Variants in TCF4 observed in about 807,000 individuals in gnomAD.
The protein encoded by TCF4 is transcription factor 4, also known as SL3-3 enhancer factor 2.
TCF4 carries 3 observed loss-of-function variants against 82.1 expected under a neutral mutation model. The observed-to-expected ratio is 0.04, with a 90% CI of 0.02 to 0.09. The LOEUF (loss-of-function observed/expected upper bound fraction) is 0.09. Ranked by LOEUF, TCF4 falls within the 10% of genes least tolerant of loss-of-function variation. TCF4 has a pLI of 1.00. For synonymous variants in TCF4, 276 were observed against 309.6 expected (o/e 0.89, Z 1.14); for missense variants, 518 against 852.7 (o/e 0.61, Z 4.89).
intron 6 of TCF4, among the ~76,000 whole-genome samples, chr18:55,359,707 T>C (rs2084585466): frequency 6.6e-6 from 1 of 152,220 alleles, no homozygotes. Context: ...TTTAAGAACA[T>C]CACCTCATGA....
intron 3 of TCF4, among the ~76,000 whole-genome samples, chr18:55,524,547 AATCAATATTGATTAAGTT>A (rs879853711): frequency 3.3e-5 from 5 of 152,180 alleles, no homozygotes; most frequent in Non-Finnish European, 7.4e-5. Context: ...TTGATTAAGT[AATCAATATTGATTAAGTT>A]ATTGATTAAG....
chr18:55,400,834 C>T, intron 6 of TCF4: 2 of 563,662 alleles, frequency 3.5e-6, no homozygotes. Flanking sequence ...AAGCATGTTT[C>T]CATATAGCAC....
intron 5 of TCF4, among the ~76,000 whole-genome samples, chr18:55,412,452 C>T (rs895374164): frequency 4.6e-5 from 7 of 151,766 alleles, no homozygotes; most frequent in African/African-American, 1.7e-4. Flanking sequence ...GTTAAGGTTG[C>T]TCCTCATTGA....
intron 6 of TCF4, among the ~76,000 whole-genome samples, chr18:55,357,553 CTATAAA>C (rs914603446): frequency 6.6e-6 from 1 of 152,106 alleles, no homozygotes; most frequent in Admixed American, 6.6e-5. Flanking sequence ...AACACTTTTG[CTATAAA>C]TATAAACAAG....
At chr18:55,258,272 T>C (rs1289204895) in intron 13 of TCF4, among the ~76,000 whole-genome samples, 1 of 152,150 alleles carries the variant, frequency 6.6e-6, no homozygotes, top group Non-Finnish European at 1.5e-5. Context: ...GGTGTGAAAA[T>C]AGCAATCTGT....
At chr18:55,568,489 T>C (rs1481657031) in intron 3 of TCF4, among the ~76,000 whole-genome samples, 5 of 151,948 alleles carry the variant, frequency 3.3e-5, no homozygotes, top group Non-Finnish European at 7.4e-5. Context: ...ATATTACATA[T>C]ATATGTATAC....
chr18:55,304,854 A>G (rs1024176642), intron 8 of TCF4, among the ~76,000 whole-genome samples: 1 of 152,200 alleles, frequency 6.6e-6, no homozygotes, highest in Admixed American at 6.5e-5. Flanking sequence ...TGAAAGCCTG[A>G]ACCGCCTTTC....
chr18:55,623,042 A>C (rs1603625617), intron 2 of TCF4, among the ~76,000 whole-genome samples: 1 of 152,258 alleles, frequency 6.6e-6, no homozygotes, highest in East Asian at 1.9e-4. Flanking sequence ...ATAGCTAATA[A>C]AATTGTGAAT....
chr18:55,556,223 T>C (rs2097302934), intron 3 of TCF4, among the ~76,000 whole-genome samples: 1 of 152,144 alleles, frequency 6.6e-6, no homozygotes, highest in Non-Finnish European at 1.5e-5. Context: ...TTTTCCAGAA[T>C]AGCATTTTTT....
intron 3 of TCF4, among the ~76,000 whole-genome samples, chr18:55,505,046 C>T (rs769818304): frequency 6.6e-6 from 1 of 152,184 alleles, no homozygotes; most frequent in African/African-American, 2.4e-5. Context: ...GTGAACAAGA[C>T]AGTTAGGATA....
Position 55,350,984 on chromosome 18 carries a change from T to A in TCF4, c.389A>T (p.Asp130Val). The change falls in exon 7 of 20, where the codon GAC (aspartate) becomes GTC (valine). Residue 130 changes from aspartate to valine, a missense_variant. This residue lies in a region of TCF4 where 211 missense variants were observed against 327.4 expected (regional missense o/e 0.64). Coordinates refer to ENST00000354452, the MANE Select transcript of TCF4 (RefSeq NM_001083962.2). ...GGTTCCTGGGTTGCCCATATCCATG[T>A]CACCTCCAAGGAGACTCTGCTAAAA... ...GCHQQSLLGG[D>V]MDMGNPGTLS... 1 of 1,613,398 alleles carries A rather than the reference T, an allele frequency of 6.2e-7. No homozygotes were observed. Among genetic ancestry groups the A allele is most frequent in the South Asian group, 1.1e-5 (1 of 91,062 alleles).
At chr18:55,229,665 C>G (rs1230783392) in intron 17 of TCF4, 3 of 156,132 alleles carry the variant, frequency 1.9e-5, no homozygotes, top group Admixed American at 1.9e-4. Flanking sequence ...GGCTTTTATT[C>G]AGGTGTCCCC....
intron 3 of TCF4, among the ~76,000 whole-genome samples, chr18:55,474,243 T>C (rs973232200): frequency 6.6e-6 from 1 of 152,208 alleles, no homozygotes; most frequent in East Asian, 1.9e-4. Flanking sequence ...CAATAGGACA[T>C]GTATTGCCTA....
chr18:55,256,908 A>G (rs560627096), intron 14 of TCF4, among the ~76,000 whole-genome samples: 12 of 152,266 alleles, frequency 7.9e-5, no homozygotes, highest in African/African-American at 2.9e-4. Context: ...ACGAGAAGGA[A>G]AGCTCCTGTA....
At chr18:55,383,265 A>C (rs2092204679) in intron 6 of TCF4, among the ~76,000 whole-genome samples, 1 of 152,256 alleles carries the variant, frequency 6.6e-6, no homozygotes. Context: ...TCAATGATGA[A>C]GGCTTGCTAA....
intron 3 of TCF4, among the ~76,000 whole-genome samples, chr18:55,582,898 C>G (rs922795551): frequency 6.6e-6 from 1 of 152,078 alleles, no homozygotes; most frequent in African/African-American, 2.4e-5. Context: ...ATTTCTCTCT[C>G]CAAAGTTTCC....
At chr18:55,392,736 G>A (rs1054544962) in intron 6 of TCF4, among the ~76,000 whole-genome samples, 19 of 152,004 alleles carry the variant, frequency 1.2e-4, no homozygotes, top group African/African-American at 4.6e-4. Flanking sequence ...TAAGGAACCT[G>A]CTTACTGTCT....
chr18:55,403,638 G>C, intron 5 of TCF4, 120 bp from the exon 6 acceptor site: 1 of 1,602,208 alleles, frequency 6.2e-7, no homozygotes, highest in African/African-American at 1.3e-5. Context: ...AGGCACTACT[G>C]GCAATGTATG....
At chr18:55,297,171 A>AT (rs2066763650) in intron 8 of TCF4, among the ~76,000 whole-genome samples, 4 of 28,136 alleles carry the variant, frequency 1.4e-4, no homozygotes, top group Admixed American at 4.1e-4. Context: ...TTTTTTTTTT[A>AT]TCCCTTAGGA....
Sources: allele counts gnomAD v4.1 joint callset (sites outside exome capture counted in the v4.1 genomes callset), GRCh38; gene constraint gnomAD v4.1.1; regional missense constraint gnomAD v4.1.1; transcripts MANE v1.5; gene names NCBI Gene and HGNC (gene_info 2026-07-23, HGNC 2026-07-21).